GPR45: variants seen among roughly 807,000 people sequenced by gnomAD.
GPR45 encodes the protein G protein-coupled receptor 45, also known as probable G protein-coupled receptor 45.
In GPR45, 7 loss-of-function variants were observed where a neutral mutation model predicts 5.9. The observed-to-expected ratio is 1.19, with a 90% CI of 0.68 to 2.23. The LOEUF (loss-of-function observed/expected upper bound fraction) is 2.23. Ranked by LOEUF, GPR45 falls within the 30% of genes most tolerant of loss-of-function variation. The probability of loss-of-function intolerance (pLI) is 0.00; values close to 1 mark genes in which losing one functional copy is unlikely to be tolerated. For missense variants in GPR45, 440 were observed against 496.9 expected, an observed-to-expected ratio of 0.89 and a Z score of 1.09; for synonymous variants, 220 against 226.3, an observed-to-expected ratio of 0.97 and a Z score of 0.25.
rs761439391 is a variant in GPR45 at position 105,242,439 on chromosome 2, C to T, written c.581C>T (p.Ala194Val). ...TACACGGAGCTCCCCGCTGACCGCG[C>T]CTACGTGGTCACCTTGGTGGTGGCC... Reference protein sequence around the residue: ...LGYTELPADRAYVVTLVVAVF... With the variant: ...LGYTELPADRVYVVTLVVAVF... Residue 194 changes from alanine (A) to valine (V), a missense_variant, in exon 1 of 1, where the codon GCC (alanine) becomes GTC (valine). By Grantham distance (64) the Ala-to-Val change is moderately conservative. Coordinates refer to ENST00000258456, the MANE Select transcript of GPR45 (RefSeq NM_007227.3). This position sits in a 1 kb window ranked among gnomAD's most constrained non-coding sequence, Gnocchi z 4.8. 25 of 1,609,116 alleles carry T rather than the reference C, an allele frequency of 1.6e-5. No homozygotes were observed. The South Asian group carries it at 2.7e-4, about 18-fold the overall frequency.
At position 105,241,900 on chromosome 2, in the gene GPR45, G is replaced by C. The variant is rs762328707; in HGVS notation, c.42G>C (p.Leu14=). ...NSTSLEAYTY[L]LLNTSNASDS... Reference sequence around the variant, plus strand: ...CGTCCCTTGAGGCTTACACATACCTGCTGCTGAACACCAGCAACGCCTCAG... The same window carrying C: ...CGTCCCTTGAGGCTTACACATACCTCCTGCTGAACACCAGCAACGCCTCAG... Residue 14 remains leucine (L), a synonymous_variant, in exon 1 of 1, where the codon CTG becomes CTC. Coordinates refer to ENST00000258456, the MANE Select transcript of GPR45 (RefSeq NM_007227.3). The C allele has an allele frequency of 6.3e-7, 1 of 1,594,658 alleles. No homozygotes were observed. The highest frequency in any genetic ancestry group is 8.6e-7 in the Non-Finnish European group (1 of 1,168,824).
rs773272676 is a variant in GPR45 at position 105,242,287 on chromosome 2, G to A, written c.429G>A (p.Leu143=). ...TCATCGTCCAGCGCCAGGACAAGCTGAACCCGCGCAGGGCCAAGGTGATCA... is the reference window on the plus strand; with the variant it reads ...TCATCGTCCAGCGCCAGGACAAGCTAAACCCGCGCAGGGCCAAGGTGATCA... ...FLIIVQRQDK[L]NPRRAKVIIA... The change falls in exon 1 of 1, where the codon CTG becomes CTA. Residue 143 remains leucine, a synonymous_variant. Transcript: ENST00000258456. The surrounding 1 kb of genome is among the most constrained non-coding windows in gnomAD (Gnocchi z 4.8). The A allele has an allele frequency of 2.9e-5, 47 of 1,614,112 alleles. No individual in the cohort carries two copies. Among genetic ancestry groups the A allele is most frequent in the Non-Finnish European group, 4.0e-5 (47 of 1,180,022 alleles).
In GPR45 at chr2:105,242,540, C is replaced by T. The variant is rs750129453; in HGVS notation, c.682C>T (p.Arg228Cys). 7 of 1,607,680 alleles carry T rather than the reference C, an allele frequency of 4.4e-6. No individual in the cohort carries two copies. Among genetic ancestry groups the T allele is most frequent in the African/African-American group, 4.0e-5 (3 of 74,942 alleles). ...ILNTVRKNAVRVHNQSDSLDL... is the reference protein window; with the variant it reads ...ILNTVRKNAVCVHNQSDSLDL... ...CAACACGGTCCGCAAGAACGCCGTGCGCGTGCACAACCAGTCGGACAGCCT... is the reference window on the plus strand; with the variant it reads ...CAACACGGTCCGCAAGAACGCCGTGTGCGTGCACAACCAGTCGGACAGCCT... Residue 228 changes from arginine (R) to cysteine (C), a missense_variant, in exon 1 of 1, where the codon CGC (arginine) becomes TGC (cysteine). By Grantham distance (180) the Arg-to-Cys change is radical. Transcript: ENST00000258456. This position sits in a 1 kb window ranked among gnomAD's most constrained non-coding sequence, Gnocchi z 4.8.
rs1396253161 is a variant in GPR45 at position 105,242,697 on chromosome 2, G to A, written c.839G>A (p.Trp280Ter). 1.2e-6 allele frequency: 2 copies of A among 1,605,224 alleles called. No individual in the cohort carries two copies. Among genetic ancestry groups the A allele is most frequent in the Non-Finnish European group, 1.7e-6 (2 of 1,174,402 alleles). The change falls in exon 1 of 1, where the codon TGG becomes TAG. Residue 280 changes from tryptophan (W) to a stop codon, truncating the protein, a stop_gained. Coordinates refer to ENST00000258456, the MANE Select transcript of GPR45 (RefSeq NM_007227.3). LOFTEE classifies it high-confidence loss of function. The surrounding 1 kb of genome is among the most constrained non-coding windows in gnomAD (Gnocchi z 4.8). ...CTCTTCGTGGGCTTCTCCCTCTGCT[G>A]GCTGCCCCACTCCGTCTACAGCCTC... ...LILFVGFSLC[W>*]LPHSVYSLLS... is the part of the protein sequence containing the mutation.
chr2:105,242,730 T>C lies in GPR45; in HGVS notation c.872T>C (p.Val291Ala), dbSNP rs1676375364. ...CACTCCGTCTACAGCCTCCTGTCTGTGTTTAGCCAGCGCTTTTACTGCGGT... is the reference window on the plus strand; with the variant it reads ...CACTCCGTCTACAGCCTCCTGTCTGCGTTTAGCCAGCGCTTTTACTGCGGT... ...LPHSVYSLLS[V>A]FSQRFYCGSS... The change falls in exon 1 of 1, where the codon GTG becomes GCG. Residue 291 changes from valine to alanine, a missense_variant. Transcript: ENST00000258456. The surrounding 1 kb of genome is among the most constrained non-coding windows in gnomAD (Gnocchi z 4.8). 4 of 1,613,428 alleles carry C rather than the reference T, an allele frequency of 2.5e-6. No homozygotes were observed. Among genetic ancestry groups the C allele is most frequent in the Non-Finnish European group, 2.5e-6 (3 of 1,179,494 alleles).
In GPR45 at chr2:105,242,434, C is replaced by G; in HGVS notation, c.576C>G (p.Asp192Glu). ...TGGGCTACACGGAGCTCCCCGCTGA[C>G]CGCGCCTACGTGGTCACCTTGGTGG... is the stretch of plus-strand genomic sequence containing the variant. ...CVLGYTELPADRAYVVTLVVA... is the reference protein window; with the variant it reads ...CVLGYTELPAERAYVVTLVVA... The change falls in exon 1 of 1, where the codon GAC (aspartate) becomes GAG (glutamate). Residue 192 changes from aspartate (D) to glutamate (E), a missense_variant. Coordinates refer to ENST00000258456, the MANE Select transcript of GPR45 (RefSeq NM_007227.3). The surrounding 1 kb of genome is among the most constrained non-coding windows in gnomAD (Gnocchi z 4.8). The G allele has an allele frequency of 6.2e-7, 1 of 1,609,798 alleles. No homozygotes were observed. The highest frequency in any genetic ancestry group is 8.5e-7 in the Non-Finnish European group (1 of 1,179,756).
In GPR45 at chr2:105,242,395, C is replaced by T; in HGVS notation, c.537C>T (p.Ala179=). The part of the protein sequence containing the change: ...GWTLVEVPAR[A]PQCVLGYTEL... Reference sequence around the variant, plus strand: ...CGCTGGTGGAGGTGCCGGCGCGGGCCCCACAGTGCGTGCTGGGCTACACGG... The same window carrying T: ...CGCTGGTGGAGGTGCCGGCGCGGGCTCCACAGTGCGTGCTGGGCTACACGG... The change falls in exon 1 of 1, where the codon GCC becomes GCT. Residue 179 remains alanine (A), a synonymous_variant. Transcript: ENST00000258456. This position sits in a 1 kb window ranked among gnomAD's most constrained non-coding sequence, Gnocchi z 4.8. The T allele has an allele frequency of 6.2e-7, 1 of 1,612,202 alleles. No homozygotes were observed. The highest frequency in any genetic ancestry group is 8.5e-7 in the Non-Finnish European group (1 of 1,179,590).
In GPR45 at chr2:105,242,768, G is replaced by A. The variant is rs1005354962; in HGVS notation, c.910G>A (p.Ala304Thr). 4 of 1,613,984 alleles carry A rather than the reference G, an allele frequency of 2.5e-6. No homozygotes were observed. Among genetic ancestry groups the A allele is most frequent in the African/African-American group, 2.7e-5 (2 of 74,908 alleles). ...QRFYCGSSFY[A>T]TSTCVLWLSY... ...CTTTTACTGCGGTTCCTCCTTCTACGCCACCAGCACCTGCGTCCTGTGGCT... is the reference window on the plus strand; with the variant it reads ...CTTTTACTGCGGTTCCTCCTTCTACACCACCAGCACCTGCGTCCTGTGGCT... Residue 304 changes from alanine to threonine, a missense_variant, in exon 1 of 1, where the codon GCC becomes ACC. Physicochemically the swap from Ala to Thr is moderately conservative, Grantham distance 58. Coordinates refer to ENST00000258456, the MANE Select transcript of GPR45 (RefSeq NM_007227.3). The surrounding 1 kb of genome is among the most constrained non-coding windows in gnomAD (Gnocchi z 4.8).
rs1676382662 is a variant in GPR45, at chr2:105,243,104, C to CAT, written c.*128_*129dup. The CAT allele has an allele frequency of 1.6e-6, 2 of 1,223,024 alleles. No individual in the cohort carries two copies. Among genetic ancestry groups the CAT allele is most frequent in the Non-Finnish European group, 2.3e-6 (2 of 884,200 alleles). 75.8% of individuals were successfully genotyped at this position (1,223,024 alleles called of 1,614,324 possible). Reference sequence around the variant, plus strand: ...GTGGCAATTTAAGCACAAAGGTACTCATTTGTAATCAGATGAGCTGCAGCT... The same window carrying CAT: ...GTGGCAATTTAAGCACAAAGGTACTCATATTTGTAATCAGATGAGCTGCAGCT... On this transcript the variant is annotated 3_prime_UTR_variant, in exon 1 of 1. Transcript: ENST00000258456.
rs1256576888 is a variant in GPR45, at chr2:105,242,526, G to T, written c.668G>T (p.Arg223Leu). The T allele has an allele frequency of 3.7e-6, 6 of 1,606,258 alleles. No homozygotes were observed. The change falls in exon 1 of 1, where the codon CGC becomes CTC. Residue 223 changes from arginine (R) to leucine (L), a missense_variant. By Grantham distance (102) the Arg-to-Leu change is moderately radical. Coordinates refer to ENST00000258456, the MANE Select transcript of GPR45 (RefSeq NM_007227.3). The surrounding 1 kb of genome is among the most constrained non-coding windows in gnomAD (Gnocchi z 4.8). Reference protein sequence around the residue: ...CAYMCILNTVRKNAVRVHNQS... With the variant: ...CAYMCILNTVLKNAVRVHNQS... ...TACATGTGCATCCTCAACACGGTCC[G>T]CAAGAACGCCGTGCGCGTGCACAAC...
chr2:105,241,875 C>G lies in GPR45; in HGVS notation c.17C>G (p.Thr6Arg), dbSNP rs770837246. 2 of 1,565,328 alleles carry G rather than the reference C, an allele frequency of 1.3e-6. No homozygotes were observed. The highest frequency in any genetic ancestry group is 1.2e-5 in the South Asian group (1 of 83,174). MACNS[T>R]SLEAYTYLLL... Reference sequence around the variant, plus strand: ...CTCTCCACGATGGCCTGCAACAGCACGTCCCTTGAGGCTTACACATACCTG... The same window carrying G: ...CTCTCCACGATGGCCTGCAACAGCAGGTCCCTTGAGGCTTACACATACCTG... Residue 6 changes from threonine (T) to arginine (R), a missense_variant, in exon 1 of 1, where the codon ACG (threonine) becomes AGG (arginine). By Grantham distance (71) the Thr-to-Arg change is moderately conservative. Coordinates refer to ENST00000258456, the MANE Select transcript of GPR45 (RefSeq NM_007227.3).
Position 105,242,961 on chromosome 2 carries a change from A to G in GPR45, c.1103A>G (p.Asn368Ser). The change falls in exon 1 of 1, where the codon AAC becomes AGC. Residue 368 changes from asparagine (N) to serine (S), a missense_variant. Coordinates refer to ENST00000258456, the MANE Select transcript of GPR45 (RefSeq NM_007227.3). The surrounding 1 kb of genome is among the most constrained non-coding windows in gnomAD (Gnocchi z 4.8). ...AGCACAGTCTACGTGTGCAATGAAA[A>G]CCAGTCTGCGGTTTAGGGGGTCAGG... ...QPSTVYVCNE[N>S]QSAV The G allele has an allele frequency of 6.2e-7, 1 of 1,613,228 alleles. No individual in the cohort carries two copies. Among genetic ancestry groups the G allele is most frequent in the Non-Finnish European group, 8.5e-7 (1 of 1,179,434 alleles).
rs576000077 is a variant in GPR45 at position 105,243,107 on chromosome 2, T to C, written c.*130T>C. On this transcript the variant is annotated 3_prime_UTR_variant, in exon 1 of 1. Coordinates refer to ENST00000258456, the MANE Select transcript of GPR45 (RefSeq NM_007227.3). Reference sequence around the variant, plus strand: ...GCAATTTAAGCACAAAGGTACTCATTTGTAATCAGATGAGCTGCAGCTCCC... The same window carrying C: ...GCAATTTAAGCACAAAGGTACTCATCTGTAATCAGATGAGCTGCAGCTCCC... The C allele has an allele frequency of 1.6e-6, 2 of 1,214,148 alleles. No homozygotes were observed. Among genetic ancestry groups the C allele is most frequent in the East Asian group, 2.4e-5 (1 of 41,510 alleles). 75.2% of individuals were successfully genotyped at this position (1,214,148 alleles called of 1,614,324 possible). A position where few individuals can be genotyped will look rare whatever the true frequency, so the allele number is the denominator to read the frequency against.
In GPR45 at chr2:105,242,422, G is replaced by A. The variant is rs775438926; in HGVS notation, c.564G>A (p.Glu188=). 1.2e-6 allele frequency: 2 copies of A among 1,610,780 alleles called. No individual in the cohort carries two copies. The highest frequency in any genetic ancestry group is 1.7e-6 in the Non-Finnish European group (2 of 1,179,760). ...RAPQCVLGYT[E]LPADRAYVVT... ...CACAGTGCGTGCTGGGCTACACGGA[G>A]CTCCCCGCTGACCGCGCCTACGTGG... is the stretch of plus-strand genomic sequence containing the variant. The change falls in exon 1 of 1, where the codon GAG becomes GAA. Residue 188 remains glutamate (E), a synonymous_variant. Transcript: ENST00000258456. The surrounding 1 kb of genome is among the most constrained non-coding windows in gnomAD (Gnocchi z 4.8).
chr2:105,243,371 A>G lies in GPR45; in HGVS notation c.*394A>G, dbSNP rs1444896543. Among the ~76,000 whole-genome samples the G allele has an allele frequency of 2.6e-5, 4 of 152,246 alleles. No homozygotes were observed. The highest frequency in any genetic ancestry group is 9.6e-5 in the African/African-American group (4 of 41,544). The stretch of plus-strand genomic sequence containing the variant: ...CTGCGAGCCCTCTCTGCACCTGCTC[A>G]AGAGAAACCCTGAGAAACCCCAGTA... On this transcript the variant is annotated 3_prime_UTR_variant, in exon 1 of 1. Coordinates refer to ENST00000258456, the MANE Select transcript of GPR45 (RefSeq NM_007227.3).
Position 105,242,603 on chromosome 2 carries a change from C to T in GPR45, c.745C>T (p.Leu249=). 6.2e-7 allele frequency: 1 copy of T among 1,609,384 alleles called. No individual in the cohort carries two copies. Among genetic ancestry groups the T allele is most frequent in the Non-Finnish European group, 8.5e-7 (1 of 1,177,188 alleles). The change falls in exon 1 of 1, where the codon CTG becomes TTG. Residue 249 remains leucine, a synonymous_variant. Transcript: ENST00000258456. The surrounding 1 kb of genome is among the most constrained non-coding windows in gnomAD (Gnocchi z 4.8). ...GCTCACCAGGGCGGGCCTGCGGCGC[C>T]TGCAGCGGCAGCAACAGGTCAGCGT... ...RQLTRAGLRR[L]QRQQQVSVDL...
At position 105,243,194 on chromosome 2, in the gene GPR45, G is replaced by A; in HGVS notation, c.*217G>A. ...TCTCTTTGCAGAGAGCCAAATATGGGGCTGATGGGAACTGCAACGTCATTA... is the reference window on the plus strand; with the variant it reads ...TCTCTTTGCAGAGAGCCAAATATGGAGCTGATGGGAACTGCAACGTCATTA... On this transcript the variant is annotated 3_prime_UTR_variant, in exon 1 of 1. Transcript: ENST00000258456. 1 of 619,116 alleles carries A rather than the reference G, an allele frequency of 1.6e-6. No homozygotes were observed. Among genetic ancestry groups the A allele is most frequent in the Non-Finnish European group, 2.8e-6 (1 of 360,158 alleles). 38.4% of individuals were successfully genotyped at this position (619,116 alleles called of 1,614,324 possible).
rs1479429541 is a variant in GPR45 at position 105,242,396 on chromosome 2, C to T, written c.538C>T (p.Pro180Ser). Reference sequence around the variant, plus strand: ...GCTGGTGGAGGTGCCGGCGCGGGCCCCACAGTGCGTGCTGGGCTACACGGA... The same window carrying T: ...GCTGGTGGAGGTGCCGGCGCGGGCCTCACAGTGCGTGCTGGGCTACACGGA... ...WTLVEVPARA[P>S]QCVLGYTELP... The change falls in exon 1 of 1, where the codon CCA becomes TCA. Residue 180 changes from proline to serine, a missense_variant. Pro to Ser is a moderately conservative substitution (Grantham distance 74). Transcript: ENST00000258456. This position sits in a 1 kb window ranked among gnomAD's most constrained non-coding sequence, Gnocchi z 4.8. The T allele has an allele frequency of 1.2e-6, 2 of 1,612,204 alleles. No homozygotes were observed. The highest frequency in any genetic ancestry group is 1.7e-6 in the Non-Finnish European group (2 of 1,179,594).
In GPR45 at chr2:105,242,419, G is replaced by C. The variant is rs759625691; in HGVS notation, c.561G>C (p.Thr187=). The C allele has an allele frequency of 1.9e-6, 3 of 1,611,020 alleles. No individual in the cohort carries two copies. The highest frequency in any genetic ancestry group is 1.1e-5 in the South Asian group (1 of 91,068). ...CCCCACAGTGCGTGCTGGGCTACAC[G>C]GAGCTCCCCGCTGACCGCGCCTACG... The part of the protein sequence containing the change: ...ARAPQCVLGY[T]ELPADRAYVV... Residue 187 remains threonine (T), a synonymous_variant, in exon 1 of 1, where the codon ACG becomes ACC. Transcript: ENST00000258456. The surrounding 1 kb of genome is among the most constrained non-coding windows in gnomAD (Gnocchi z 4.8).
Sources: gnomAD v4.1 joint callset for allele counts (sites outside exome capture counted in the v4.1 genomes callset) on GRCh38, gnomAD v4.1.1 for gene constraint, Gnocchi (gnomAD v3.1) non-coding constraint, MANE v1.5 for transcripts, NCBI Gene and HGNC (gene_info 2026-07-23, HGNC 2026-07-21) for gene names.